CPNE8: variants seen among roughly 807,000 people sequenced by gnomAD.
CPNE8 encodes the protein copine-8.
CPNE8 carries 45 observed loss-of-function variants against 81.5 expected under a neutral mutation model. That is an observed-to-expected ratio of 0.55 (90% CI 0.44 to 0.71). The LOEUF is 0.71. Ranked by LOEUF, CPNE8 falls within the 30% of genes least tolerant of loss-of-function variation. The pLI is 0.00. For synonymous variants in CPNE8, 252 were observed against 226.3 expected, an observed-to-expected ratio of 1.11 and a Z score of -1.02; for missense variants, 594 against 672.1, an observed-to-expected ratio of 0.88 and a Z score of 1.28.
intron 4 of CPNE8, among the ~76,000 whole-genome samples, chr12:38,842,547 G>A (rs1943487634): frequency 6.8e-6 from 1 of 146,450 alleles, no homozygotes; most frequent in Admixed American, 6.8e-5. Flanking sequence ...AGATTATAAA[G>A]CATTAGAAAT....
At chr12:38,786,459 C>A (rs534317522) in intron 6 of CPNE8, among the ~76,000 whole-genome samples, 9 of 152,264 alleles carry the variant, frequency 5.9e-5, no homozygotes, top group African/African-American at 2.2e-4. Context: ...CAGCCTACAT[C>A]TTTCTCTCCT....
At chr12:38,892,933 A>G (rs1039040297) in intron 1 of CPNE8, among the ~76,000 whole-genome samples, 1 of 152,156 alleles carries the variant, frequency 6.6e-6, no homozygotes, top group African/African-American at 2.4e-5. Flanking sequence ...ACTCTTGGGG[A>G]GAATATTAAG....
intron 6 of CPNE8, among the ~76,000 whole-genome samples, chr12:38,827,747 C>T (rs1257799559): frequency 6.6e-6 from 1 of 152,136 alleles, no homozygotes; most frequent in Admixed American, 6.5e-5. Context: ...CATGTTCTCA[C>T]TTATAAGCGG....
At chr12:38,901,662 C>T (rs759121816) in intron 1 of CPNE8, among the ~76,000 whole-genome samples, 2 of 152,152 alleles carry the variant, frequency 1.3e-5, no homozygotes, top group African/African-American at 2.4e-5. Flanking sequence ...ATAGCAGGAG[C>T]TTGCCTTTGC....
chr12:38,905,953 T>G (rs1944565395), upstream of CPNE8: 1 of 985,258 alleles, frequency 1.0e-6, no homozygotes, highest in African/African-American at 1.7e-5. Flanking sequence ...TGCGTGCTTT[T>G]AGGTTTTGTC....
At chr12:38,783,295 A>G (rs1942096317) in intron 6 of CPNE8, among the ~76,000 whole-genome samples, 1 of 152,194 alleles carries the variant, frequency 6.6e-6, no homozygotes, top group Non-Finnish European at 1.5e-5. Context: ...CACACAAAGC[A>G]TCTTCATAAG....
At position 38,712,574 on chromosome 12, in the gene CPNE8, T is replaced by C. The variant is rs184993043; in HGVS notation, c.915-9653A>G. On this transcript the variant is annotated intron_variant, in intron 13 of 19. Coordinates refer to ENST00000331366, the MANE Select transcript of CPNE8 (RefSeq NM_153634.3). ...CAGAGTCATTTCAATTGTTCAAGTA[T>C]TTTTAAGTAAAAAAAATAATCTGTA... 3.3e-5 allele frequency among the ~76,000 whole-genome samples: 5 copies of C among 152,284 alleles called. No homozygotes were observed. In the East Asian group the frequency reaches 9.6e-4, roughly 29 times the overall value.
intron 6 of CPNE8, among the ~76,000 whole-genome samples, chr12:38,806,999 C>T (rs903643132): frequency 3.3e-5 from 5 of 151,842 alleles, no homozygotes; most frequent in Non-Finnish European, 7.4e-5. Context: ...CTCCCATTCA[C>T]AACTGCTTCA....
At chr12:38,688,376 TG>T (rs140031532) in intron 15 of CPNE8, among the ~76,000 whole-genome samples, 16 of 152,334 alleles carry the variant, frequency 1.1e-4, no homozygotes, top group African/African-American at 3.4e-4. Context: ...TATAAAATTA[TG>T]CCTTCTTTTT....
At chr12:38,868,425 T>G (rs1943946276) in intron 3 of CPNE8, among the ~76,000 whole-genome samples, 1 of 152,126 alleles carries the variant, frequency 6.6e-6, no homozygotes, top group African/African-American at 2.4e-5. Context: ...CTTTTCATAC[T>G]TATAAAATAG....
intron 10 of CPNE8, among the ~76,000 whole-genome samples, chr12:38,741,066 T>C (rs571644539): frequency 6.6e-6 from 1 of 152,130 alleles, no homozygotes; most frequent in Non-Finnish European, 1.5e-5. Context: ...TCCATGCTCA[T>C]GGATAGGAAG....
At chr12:38,861,429 G>T (rs1047261524) in intron 3 of CPNE8, among the ~76,000 whole-genome samples, 8 of 151,898 alleles carry the variant, frequency 5.3e-5, no homozygotes, top group Admixed American at 5.2e-4. Context: ...TATTAAAAAC[G>T]ACTTATTAAA....
intron 3 of CPNE8, among the ~76,000 whole-genome samples, chr12:38,860,368 G>C (rs1943811356): frequency 8.3e-6 from 1 of 120,766 alleles, no homozygotes; most frequent in Admixed American, 1.0e-4. Context: ...TCTCATGCCT[G>C]TTAGAATGGC....
intron 16 of CPNE8, among the ~76,000 whole-genome samples, chr12:38,681,188 T>C (rs1428095542): frequency 6.6e-6 from 1 of 152,000 alleles, no homozygotes; most frequent in Admixed American, 6.6e-5. Context: ...CTTAAAATTA[T>C]TGATGAAGAA....
At chr12:38,857,301 T>C (rs1199851188) in intron 3 of CPNE8, among the ~76,000 whole-genome samples, 3 of 152,210 alleles carry the variant, frequency 2.0e-5, no homozygotes, top group Non-Finnish European at 2.9e-5. Context: ...GTAATATAAT[T>C]GGCAGTACAT....
intron 10 of CPNE8, among the ~76,000 whole-genome samples, chr12:38,759,220 A>G (rs1311390677): frequency 6.6e-6 from 1 of 152,220 alleles, no homozygotes; most frequent in African/African-American, 2.4e-5. Context: ...TCTGGCAGTG[A>G]GCTGCACTTT....
chr12:38,781,367 T>C (rs1372403124), intron 6 of CPNE8, among the ~76,000 whole-genome samples: 1 of 151,942 alleles, frequency 6.6e-6, no homozygotes, highest in Non-Finnish European at 1.5e-5. Flanking sequence ...TGTAATTATA[T>C]AAAAATTAAA....
chr12:38,808,354 C>G (rs952177550), intron 6 of CPNE8, among the ~76,000 whole-genome samples: 3 of 151,900 alleles, frequency 2.0e-5, no homozygotes, highest in African/African-American at 4.8e-5. Flanking sequence ...TGGAACAACC[C>G]AAATGTCCAA....
In CPNE8 at chr12:38,803,587, A is replaced by T. The variant is rs879639128; in HGVS notation, c.407+25792T>A. ...GCAAAAACTGGAAGCATTCCCTTTGAAAACTGGCACAAGACAGGGATGCCC... is the reference window on the plus strand; with the variant it reads ...GCAAAAACTGGAAGCATTCCCTTTGTAAACTGGCACAAGACAGGGATGCCC... On this transcript the variant is annotated intron_variant, in intron 6 of 19. Coordinates refer to ENST00000331366, the MANE Select transcript of CPNE8 (RefSeq NM_153634.3). Among the ~76,000 whole-genome samples the T allele has an allele frequency of 4.5e-3, 629 of 140,592 alleles. 3 individuals are homozygous for T. The highest frequency in any genetic ancestry group is 7.0e-3 in the Non-Finnish European group (449 of 64,066). 92.2% of individuals were successfully genotyped at this position (140,592 alleles called of 152,430 possible).
Sources: allele counts gnomAD v4.1 joint callset (sites outside exome capture counted in the v4.1 genomes callset), GRCh38; gene constraint gnomAD v4.1.1; transcripts MANE v1.5; gene names NCBI Gene and HGNC (gene_info 2026-07-23, HGNC 2026-07-21).